The following TADA2A variants were observed in gnomAD, a reference collection of about 807,000 sequenced individuals.
TADA2A encodes the protein transcriptional adapter 2-alpha.
TADA2A carries 38 observed loss-of-function variants against 67.4 expected under a neutral mutation model. That is an observed-to-expected ratio of 0.56 (90% confidence interval 0.44 to 0.74). The LOEUF is 0.74. TADA2A is among the 30% of genes least tolerant of loss of function. TADA2A has a pLI of 0.00. For missense variants in TADA2A, 454 were observed against 547.0 expected (o/e 0.83, Z 1.70); for synonymous variants, 192 against 181.6 (o/e 1.06, Z -0.46).
intron 4 of TADA2A, among the ~76,000 whole-genome samples, chr17:37,428,230 A>T (rs1163716944): frequency 1.3e-5 from 2 of 152,184 alleles, no homozygotes; most frequent in Non-Finnish European, 2.9e-5. Context: ...GTGGATCAGA[A>T]GATCATTAGG....
intron 2 of TADA2A, among the ~76,000 whole-genome samples, chr17:37,411,668 G>A (rs1375661268): frequency 6.6e-6 from 1 of 151,768 alleles, no homozygotes; most frequent in African/African-American, 2.4e-5. Context: ...GACCTCAGGT[G>A]ATCCACCCAC....
At chr17:37,431,339 T>C (rs1274355562) in intron 4 of TADA2A, among the ~76,000 whole-genome samples, 1 of 151,806 alleles carries the variant, frequency 6.6e-6, no homozygotes, top group African/African-American at 2.4e-5. Flanking sequence ...AGGCTGAAAG[T>C]CCCAAGAGGG....
intron 2 of TADA2A, among the ~76,000 whole-genome samples, chr17:37,414,102 A>G (rs1362135296): frequency 1.3e-5 from 2 of 152,112 alleles, no homozygotes; most frequent in African/African-American, 4.8e-5. Context: ...CTCCAGCTCC[A>G]TCCATGTTGC....
chr17:37,479,532 G>A lies in TADA2A; in HGVS notation c.*2550G>A, dbSNP rs1282226835. 6.6e-6 allele frequency: 1 copy of A among 152,096 alleles called. No individual in the cohort carries two copies. Among genetic ancestry groups the A allele is most frequent in the Non-Finnish European group, 1.5e-5 (1 of 68,022 alleles). The allele number at this position is 152,096 out of a possible 1,614,324, so 9.4% of individuals were successfully genotyped here. A position where few individuals can be genotyped will look rare whatever the true frequency, so the allele number is the denominator to read the frequency against. Reference sequence around the variant, plus strand: ...TCCTCTTTGCTTCTAGACAGGGTTGGCCATAAACCAACTACACTGATAGAG... The same window carrying A: ...TCCTCTTTGCTTCTAGACAGGGTTGACCATAAACCAACTACACTGATAGAG... On this transcript the variant is annotated 3_prime_UTR_variant, in exon 16 of 16. Coordinates refer to ENST00000615182, the MANE Select transcript of TADA2A (RefSeq NM_001166105.3).
At chr17:37,456,433 G>C (rs1215856178) in intron 8 of TADA2A, among the ~76,000 whole-genome samples, 1 of 152,154 alleles carries the variant, frequency 6.6e-6, no homozygotes, top group East Asian at 1.9e-4. Context: ...CTACAAGATA[G>C]CATGAAGATG....
intron 4 of TADA2A, among the ~76,000 whole-genome samples, chr17:37,428,958 AT>A (rs1157153742): frequency 6.6e-6 from 1 of 150,848 alleles, no homozygotes; most frequent in Non-Finnish European, 1.5e-5. Context: ...AGGCGGGAGA[AT>A]GATGTGAACC....
chr17:37,472,734 C>CA (rs897362299), intron 14 of TADA2A, among the ~76,000 whole-genome samples: 1 of 152,008 alleles, frequency 6.6e-6, no homozygotes, highest in Non-Finnish European at 1.5e-5. Context: ...TGGTGGTACA[C>CA]ATCTGTAATC....
In TADA2A at chr17:37,423,511, GATC is replaced by G. The variant is rs749873506; in HGVS notation, c.29_31del (p.Asp10_Pro11delinsAla). 5 of 1,608,380 alleles carry G rather than the reference GATC, an allele frequency of 3.1e-6. No homozygotes were observed. The East Asian group carries it at 8.9e-5, about 29-fold the overall frequency. On this transcript the variant is annotated inframe_deletion, in exon 3 of 16. Transcript: ENST00000615182. ...CATTTGTTTTCTGTTTGTTCTAGAT[GATC>G]CCTCTGATAAGCCACCTTGCCGAGG...
At chr17:37,455,670 T>C (rs530551394) in intron 8 of TADA2A, among the ~76,000 whole-genome samples, 7 of 152,324 alleles carry the variant, frequency 4.6e-5, no homozygotes, top group South Asian at 4.1e-4. Flanking sequence ...CATGAGCCAC[T>C]GCGCCTGGCC....
At chr17:37,453,131 A>G (rs1001446277) in intron 8 of TADA2A, among the ~76,000 whole-genome samples, 4 of 152,198 alleles carry the variant, frequency 2.6e-5, no homozygotes, top group Admixed American at 2.0e-4. Context: ...AGATTTTGGT[A>G]TTGAACTTTC....
At chr17:37,411,431 T>C (rs2051864418) in intron 2 of TADA2A, 41 bp downstream of exon 2, 1 of 1,338,150 alleles carries the variant, frequency 7.5e-7, no homozygotes, top group African/African-American at 1.5e-5. Flanking sequence ...CTTATTATTA[T>C]TTTTTTTTTG....
In TADA2A at chr17:37,461,968, T is replaced by C. The variant is rs374567360; in HGVS notation, c.669-110T>C. On this transcript the variant is annotated intron_variant, in intron 9 of 15. Coordinates refer to ENST00000615182, the MANE Select transcript of TADA2A (RefSeq NM_001166105.3). ...TGGGAGTGACTTCTTTGGACCTCTGTATTGTATTCCACCTCAGCATGTTTA... is the reference window on the plus strand; with the variant it reads ...TGGGAGTGACTTCTTTGGACCTCTGCATTGTATTCCACCTCAGCATGTTTA... 1.2e-3 allele frequency: 1,018 copies of C among 869,394 alleles called. 9 individuals are homozygous for C. In the South Asian group the frequency reaches 0.015, roughly 13 times the overall value. 53.9% of individuals were successfully genotyped at this position (869,394 alleles called of 1,614,324 possible). A position where few individuals can be genotyped will look rare whatever the true frequency, so the allele number is the denominator to read the frequency against.
At chr17:37,407,083 G>T in intron 1 of TADA2A, 134 bp downstream of exon 1, 1 of 148,030 alleles carries the variant, frequency 6.8e-6, no homozygotes, top group South Asian at 1.8e-4. Context: ...CCCGGCGGCG[G>T]GCTTGACGCG....
chr17:37,425,802 C>T (rs2052386986), intron 3 of TADA2A, among the ~76,000 whole-genome samples: 1 of 151,358 alleles, frequency 6.6e-6, no homozygotes, highest in South Asian at 2.1e-4. Context: ...GCTTGTGCCA[C>T]CATGTCCAGC....
chr17:37,471,241 G>A, intron 14 of TADA2A, 104 bp downstream of exon 14: 4 of 1,200,988 alleles, frequency 3.3e-6, no homozygotes, highest in Non-Finnish European at 2.4e-6. Context: ...AGGGTGCTTA[G>A]GCAGAGTAAC....
chr17:37,455,923 G>A (rs2053379334), intron 8 of TADA2A, among the ~76,000 whole-genome samples: 2 of 152,142 alleles, frequency 1.3e-5, no homozygotes, highest in Non-Finnish European at 2.9e-5. Context: ...CAAGAATGGG[G>A]CCGGGTGCAG....
chr17:37,411,751 A>G (rs746591162), intron 2 of TADA2A, among the ~76,000 whole-genome samples: 8 of 151,910 alleles, frequency 5.3e-5, no homozygotes, highest in African/African-American at 9.7e-5. Flanking sequence ...ATTAATAGCA[A>G]ACTAGAGTGG....
chr17:37,452,267 G>A (rs777838205), intron 8 of TADA2A, among the ~76,000 whole-genome samples: 3 of 151,950 alleles, frequency 2.0e-5, no homozygotes, highest in East Asian at 1.9e-4. Context: ...GCTGGGTATG[G>A]TGGCGTGCAC....
chr17:37,439,451 CT>C (rs1428955447), intron 5 of TADA2A, among the ~76,000 whole-genome samples: 2 of 151,864 alleles, frequency 1.3e-5, no homozygotes, highest in Non-Finnish European at 2.9e-5. Context: ...CCTGGCTAAT[CT>C]TTGTATTTTT....
Sources: gnomAD v4.1 joint callset for allele counts (sites outside exome capture counted in the v4.1 genomes callset) on GRCh38, gnomAD v4.1.1 for gene constraint, MANE v1.5 for transcripts, NCBI Gene and HGNC (gene_info 2026-07-23, HGNC 2026-07-21) for gene names.